ADAM29: variants seen among roughly 807,000 people sequenced by gnomAD.
ADAM29 encodes the protein disintegrin and metalloproteinase domain-containing protein 29.
For missense variants in ADAM29, 969 were observed against 1,001.8 expected (o/e 0.97, Z 0.44); for synonymous variants, 367 against 342.3 (o/e 1.07, Z -0.80).
At position 174,976,256 on chromosome 4, in the gene ADAM29, T is replaced by A. The variant is rs1346399476; in HGVS notation, c.731T>A (p.Leu244Ter). Reference protein sequence around the residue: ...SILDVIGVKVLLFGLEIWTNK... With the variant: ...SILDVIGVKV ...TTGGATGTCATTGGTGTTAAGGTGT[T>A]ATTATTTGGTTTGGAGATCTGGACC... is the stretch of plus-strand genomic sequence containing the variant. Residue 244 changes from leucine to a stop codon, truncating the protein, a stop_gained, in exon 5 of 5, where the codon TTA becomes TAA. Coordinates refer to ENST00000359240, the MANE Select transcript of ADAM29 (RefSeq NM_014269.4). LOFTEE classifies it low-confidence loss of function (END_TRUNC). The A allele has an allele frequency of 6.2e-7, 1 of 1,608,422 alleles. No homozygotes were observed. The highest frequency in any genetic ancestry group is 8.5e-7 in the Non-Finnish European group (1 of 1,178,146).
At chr4:174,944,968 C>G (rs578044470) in intron 4 of ADAM29, among the ~76,000 whole-genome samples, 1 of 152,104 alleles carries the variant, frequency 6.6e-6, no homozygotes, top group Admixed American at 6.5e-5. Flanking sequence ...CTATTGTGAA[C>G]AGTGCTGTGA....
intron 4 of ADAM29, among the ~76,000 whole-genome samples, chr4:174,940,510 A>T (rs533362771): frequency 2.6e-5 from 4 of 151,824 alleles, no homozygotes; most frequent in Non-Finnish European, 5.9e-5. Context: ...TTTTATACAG[A>T]TCAGAAAAAA....
At chr4:174,945,940 G>C (rs1350333519) in intron 4 of ADAM29, among the ~76,000 whole-genome samples, 1 of 152,058 alleles carries the variant, frequency 6.6e-6, no homozygotes, top group East Asian at 1.9e-4. Flanking sequence ...CCTCAGCTTT[G>C]TTCTTTTTGC....
chr4:174,955,544 AG>A, intron 4 of ADAM29, among the ~76,000 whole-genome samples: 1 of 152,154 alleles, frequency 6.6e-6, no homozygotes, highest in South Asian at 2.1e-4. Flanking sequence ...TTAAATTATT[AG>A]GGGCAATAAA....
At position 174,977,404 on chromosome 4, in the gene ADAM29, C is replaced by T. The variant is rs78280171; in HGVS notation, c.1879C>T (p.Pro627Ser). ...HITILNSNCSPAFCNKRGICN... is the reference protein window; with the variant it reads ...HITILNSNCSSAFCNKRGICN... ...AACCATCTTGAATAGTAATTGCTCA[C>T]CTGCATTTTGTAACAAGAGGGGCAT... Residue 627 changes from proline (P) to serine (S), a missense_variant, in exon 5 of 5, where the codon CCT (proline) becomes TCT (serine). Physicochemically the swap from Pro to Ser is moderately conservative, Grantham distance 74. Coordinates refer to ENST00000359240, the MANE Select transcript of ADAM29 (RefSeq NM_014269.4). The T allele has an allele frequency of 7.9e-3, 12,743 of 1,613,968 alleles. 980 individuals are homozygous for T. In the East Asian group the frequency reaches 0.19, roughly 24 times the overall value.
At position 174,977,573 on chromosome 4, in the gene ADAM29, T is replaced by G. The variant is rs751828290; in HGVS notation, c.2048T>G (p.Leu683Trp). The G allele has an allele frequency of 3.7e-6, 6 of 1,613,890 alleles. No homozygotes were observed. The Admixed American group carries it at 1.0e-4, about 27-fold the overall frequency. The change falls in exon 5 of 5, where the codon TTG (leucine) becomes TGG (tryptophan). Residue 683 changes from leucine (L) to tryptophan (W), a missense_variant. Physicochemically the swap from Leu to Trp is moderately conservative, Grantham distance 61. Transcript: ENST00000359240. ...AAGTTCTGTTATCTGTGTATATTGT[T>G]GCTTATTGTTTTGTTTATTTTATTA... Reference protein sequence around the residue: ...KKKFCYLCILLLIVLFILLCC... With the variant: ...KKKFCYLCILWLIVLFILLCC...
chr4:174,968,065 C>T (rs190896400), intron 4 of ADAM29, among the ~76,000 whole-genome samples: 54 of 152,096 alleles, frequency 3.6e-4, no homozygotes, highest in African/African-American at 1.3e-3. Context: ...CATGATTTTT[C>T]CTTCGTGTTT....
At chr4:174,928,171 T>C (rs1175483602) in intron 2 of ADAM29, among the ~76,000 whole-genome samples, 1 of 152,152 alleles carries the variant, frequency 6.6e-6, no homozygotes, top group Non-Finnish European at 1.5e-5. Flanking sequence ...GAAGGACAGC[T>C]GAGTTCAGGC....
chr4:174,937,064 C>G (rs1744245355), intron 4 of ADAM29, 51 bp downstream of exon 4: 1 of 151,916 alleles, frequency 6.6e-6, no homozygotes, highest in Admixed American at 6.6e-5. Context: ...GTTTTAATTT[C>G]TATCACAATA....
intron 4 of ADAM29, among the ~76,000 whole-genome samples, chr4:174,942,350 C>T (rs1744586392): frequency 6.6e-6 from 1 of 152,212 alleles, no homozygotes; most frequent in Admixed American, 6.5e-5. Context: ...AATAGAGGTT[C>T]TCCATGCAGG....
intron 1 of ADAM29, among the ~76,000 whole-genome samples, chr4:174,919,785 C>T (rs374145966): frequency 2.3e-4 from 35 of 152,150 alleles, no homozygotes; most frequent in East Asian, 9.6e-4. Flanking sequence ...TCAGTTACAG[C>T]GGCAAAACCC....
At chr4:174,975,224 G>C in intron 4 of ADAM29, 122 bp from the exon 5 acceptor site, 1 of 257,532 alleles carries the variant, frequency 3.9e-6, no homozygotes, top group Non-Finnish European at 7.3e-6. Flanking sequence ...GTCATTCCTT[G>C]ATGAAAGCAC....
intron 4 of ADAM29, among the ~76,000 whole-genome samples, chr4:174,949,395 G>A (rs945507975): frequency 6.6e-6 from 1 of 152,142 alleles, no homozygotes; most frequent in African/African-American, 2.4e-5. Flanking sequence ...ATTTCTCTAA[G>A]CAGATCTTTC....
chr4:174,964,162 A>G (rs1467188025), intron 4 of ADAM29, among the ~76,000 whole-genome samples: 1 of 152,096 alleles, frequency 6.6e-6, no homozygotes, highest in Non-Finnish European at 1.5e-5. Flanking sequence ...ATTTGGAGAT[A>G]GCTTCTATAA....
intron 4 of ADAM29, among the ~76,000 whole-genome samples, chr4:174,947,030 T>C (rs1157451192): frequency 2.6e-5 from 4 of 152,156 alleles, no homozygotes; most frequent in East Asian, 1.9e-4. Flanking sequence ...CTTGTGTTCA[T>C]AGAGATGTTT....
intron 4 of ADAM29, among the ~76,000 whole-genome samples, chr4:174,961,748 C>T (rs1034291073): frequency 6.6e-6 from 1 of 152,048 alleles, no homozygotes; most frequent in Admixed American, 6.6e-5. Flanking sequence ...ATGCTAACAG[C>T]AATTCTTTCT....
rs1746818578 is a variant in ADAM29, at chr4:174,976,589, T to C, written c.1064T>C (p.Ile355Thr). 6.2e-7 allele frequency: 1 copy of C among 1,604,638 alleles called. No individual in the cohort carries two copies. The highest frequency in any genetic ancestry group is 8.5e-7 in the Non-Finnish European group (1 of 1,175,428). The change falls in exon 5 of 5, where the codon ATA (isoleucine) becomes ACA (threonine). Residue 355 changes from isoleucine to threonine, a missense_variant. Transcript: ENST00000359240. ...TGTCGTTGTTCACAACCTAGATGCA[T>C]AATGCATGAAGGCAACCCACCAATA... ...DTCRCSQPRC[I>T]MHEGNPPITK...
chr4:174,957,022 T>C (rs1158750065), intron 4 of ADAM29, among the ~76,000 whole-genome samples: 3 of 152,016 alleles, frequency 2.0e-5, no homozygotes, highest in East Asian at 3.9e-4. Flanking sequence ...CATCCAAACA[T>C]GCAAATAATA....
intron 4 of ADAM29, among the ~76,000 whole-genome samples, chr4:174,951,900 G>T (rs1280833661): frequency 2.0e-5 from 3 of 152,092 alleles, no homozygotes; most frequent in Non-Finnish European, 4.4e-5. Flanking sequence ...GTTAAAGGAT[G>T]CAAAATTTCA....
Sources: gnomAD v4.1 joint callset for allele counts (sites outside exome capture counted in the v4.1 genomes callset) on GRCh38, gnomAD v4.1.1 for gene constraint, MANE v1.5 for transcripts, NCBI Gene and HGNC (gene_info 2026-07-23, HGNC 2026-07-21) for gene names.